The following PRKAR2B variants were observed in gnomAD, a reference collection of about 807,000 sequenced individuals.
PRKAR2B encodes protein kinase cAMP-dependent type II regulatory subunit beta, also known as cAMP-dependent protein kinase type II-beta regulatory subunit.
In PRKAR2B, 14 loss-of-function variants were observed where a neutral mutation model predicts 49.9. The observed-to-expected ratio is 0.28, with a 90% CI of 0.19 to 0.44. The LOEUF is 0.44. PRKAR2B is among the 20% of genes least tolerant of loss of function. PRKAR2B has a pLI of 1.00. For missense variants in PRKAR2B, 393 were observed against 537.9 expected (o/e 0.73, Z 2.67); for synonymous variants, 196 against 197.7 (o/e 0.99, Z 0.07).
chr7:107,120,658 G>A (rs916797981), intron 2 of PRKAR2B, among the ~76,000 whole-genome samples: 2 of 152,068 alleles, frequency 1.3e-5, no homozygotes, highest in African/African-American at 2.4e-5. Flanking sequence ...TTGCAAATAA[G>A]GAAAGGGTTT....
At chr7:107,067,939 T>G (rs896689021) in intron 1 of PRKAR2B, among the ~76,000 whole-genome samples, 1 of 152,238 alleles carries the variant, frequency 6.6e-6, no homozygotes, top group East Asian at 1.9e-4. Context: ...ATGGACTTTT[T>G]TTTGCCAATG....
In PRKAR2B at chr7:107,080,566, G is replaced by C. The variant is rs970813641; in HGVS notation, c.343+10250G>C. On this transcript the variant is annotated intron_variant, in intron 2 of 10. Coordinates refer to ENST00000265717, the MANE Select transcript of PRKAR2B (RefSeq NM_002736.3). The stretch of plus-strand genomic sequence containing the variant: ...AGATGAAATTAGGGAAAAGATGGTG[G>C]TCTGGAGGGTCTTACATCTTGTGGA... Among the ~76,000 whole-genome samples the C allele has an allele frequency of 2.6e-5, 4 of 152,300 alleles. No homozygotes were observed. The South Asian group carries it at 8.3e-4, about 32-fold the overall frequency.
At chr7:107,101,418 T>C in intron 2 of PRKAR2B, among the ~76,000 whole-genome samples, 1 of 152,158 alleles carries the variant, frequency 6.6e-6, no homozygotes, top group East Asian at 1.9e-4. Flanking sequence ...ATACCTCCTC[T>C]AAGTGCGCTG....
chr7:107,120,996 A>T (rs963128510), intron 2 of PRKAR2B, among the ~76,000 whole-genome samples: 2 of 150,616 alleles, frequency 1.3e-5, no homozygotes, highest in South Asian at 2.1e-4. Flanking sequence ...AAATTTTTTT[A>T]AATATTATTA....
intron 2 of PRKAR2B, among the ~76,000 whole-genome samples, chr7:107,085,637 A>G (rs1466606381): frequency 1.3e-5 from 2 of 152,182 alleles, no homozygotes; most frequent in African/African-American, 2.4e-5. Context: ...GTTTTTATGC[A>G]CATACATATT....
At chr7:107,143,856 C>G (rs1011848112) in intron 5 of PRKAR2B, among the ~76,000 whole-genome samples, 1 of 152,044 alleles carries the variant, frequency 6.6e-6, no homozygotes, top group African/African-American at 2.4e-5. Flanking sequence ...GTCTCATTCC[C>G]AAGATACCTC....
At chr7:107,106,504 C>T (rs767284912) in intron 2 of PRKAR2B, among the ~76,000 whole-genome samples, 27 of 152,328 alleles carry the variant, frequency 1.8e-4, no homozygotes, top group Middle Eastern at 3.4e-3. Context: ...TTCTCTGGAT[C>T]CTCCAAAAAC....
At chr7:107,064,397 A>G (rs868619299) in intron 1 of PRKAR2B, among the ~76,000 whole-genome samples, 2 of 152,210 alleles carry the variant, frequency 1.3e-5, no homozygotes, top group Non-Finnish European at 2.9e-5. Flanking sequence ...CAGAAGGAGC[A>G]TCGATATTTC....
At chr7:107,094,472 A>C (rs890109236) in intron 2 of PRKAR2B, among the ~76,000 whole-genome samples, 11 of 152,066 alleles carry the variant, frequency 7.2e-5, no homozygotes, top group South Asian at 2.1e-4. Flanking sequence ...GTTCACTCTG[A>C]TGGTAGTTTC....
intron 2 of PRKAR2B, among the ~76,000 whole-genome samples, chr7:107,114,057 G>T (rs572733261): frequency 4.6e-5 from 7 of 152,260 alleles, no homozygotes; most frequent in African/African-American, 1.7e-4. Context: ...AAATAAGTCA[G>T]TTATTAAAAG....
chr7:107,086,205 G>A (rs934427558), intron 2 of PRKAR2B, among the ~76,000 whole-genome samples: 6 of 151,898 alleles, frequency 4.0e-5, no homozygotes, highest in African/African-American at 1.5e-4. Flanking sequence ...ATTTGTAAGT[G>A]TACAGATCTG....
chr7:107,049,817 T>C (rs138324697), intron 1 of PRKAR2B, among the ~76,000 whole-genome samples: 22 of 152,318 alleles, frequency 1.4e-4, no homozygotes, highest in Non-Finnish European at 2.8e-4. Flanking sequence ...AATGAGACTT[T>C]ATAGTTTTTG....
chr7:107,135,259 C>T (rs1795678098), intron 4 of PRKAR2B, among the ~76,000 whole-genome samples: 1 of 152,060 alleles, frequency 6.6e-6, no homozygotes, highest in Admixed American at 6.6e-5. Context: ...CACTTCATCC[C>T]CACCGGGGTA....
chr7:107,146,494 T>C (rs773152349), intron 6 of PRKAR2B, 33 bp downstream of exon 6: 9 of 1,593,816 alleles, frequency 5.6e-6, no homozygotes, highest in Non-Finnish European at 7.7e-6. Flanking sequence ...CTGAATGTTA[T>C]GATTTGTAGC....
At chr7:107,138,869 G>T (rs1469800377) in intron 4 of PRKAR2B, among the ~76,000 whole-genome samples, 1 of 152,020 alleles carries the variant, frequency 6.6e-6, no homozygotes, top group Non-Finnish European at 1.5e-5. Flanking sequence ...GGTAGAGACG[G>T]GGTTTTGCCA....
intron 8 of PRKAR2B, among the ~76,000 whole-genome samples, chr7:107,153,874 A>T (rs1796032506): frequency 6.6e-6 from 1 of 152,240 alleles, no homozygotes; most frequent in Admixed American, 6.5e-5. Context: ...TGAAGCACTA[A>T]GCAAATGATT....
chr7:107,130,149 G>A (rs1173203023), intron 4 of PRKAR2B, among the ~76,000 whole-genome samples: 2 of 152,072 alleles, frequency 1.3e-5, no homozygotes, highest in Non-Finnish European at 2.9e-5. Flanking sequence ...TAATAGTTTT[G>A]GATAGATTTG....
At chr7:107,111,281 T>C (rs2116824184) in intron 2 of PRKAR2B, among the ~76,000 whole-genome samples, 1 of 152,302 alleles carries the variant, frequency 6.6e-6, no homozygotes, top group African/African-American at 2.4e-5. Flanking sequence ...TTGACTGTAG[T>C]CCCTGGCTTG....
intron 8 of PRKAR2B, among the ~76,000 whole-genome samples, 158 bp from the exon 9 acceptor site, chr7:107,156,826 G>T (rs924257438): frequency 1.3e-5 from 2 of 151,642 alleles, no homozygotes; most frequent in Admixed American, 6.6e-5. Context: ...AAAACCTCTT[G>T]ATTTAGAAAC....
Sources: gnomAD v4.1 joint callset for allele counts (sites outside exome capture counted in the v4.1 genomes callset) on GRCh38, gnomAD v4.1.1 for gene constraint, MANE v1.5 for transcripts, NCBI Gene and HGNC (gene_info 2026-07-23, HGNC 2026-07-21) for gene names.